The following NR2C2 variants were observed in gnomAD, a reference collection of about 807,000 sequenced individuals.
NR2C2 encodes the protein nuclear receptor subfamily 2 group C member 2, also known as Nuclear hormone receptor TR4.
Under a neutral mutation model 62.9 loss-of-function variants are expected in NR2C2, and 6 were observed. The ratio of observed to expected loss-of-function variants is 0.10; its 90% CI spans 0.05 to 0.19. The LOEUF is 0.19. Ranked by LOEUF, NR2C2 falls within the 10% of genes least tolerant of loss-of-function variation. The pLI is 1.00. For missense variants in NR2C2, 479 were observed against 762.7 expected (o/e 0.63, Z 4.38); for synonymous variants, 272 against 273.8 (o/e 0.99, Z 0.07).
At chr3:14,948,902 C>G (rs1329055945) in intron 1 of NR2C2, among the ~76,000 whole-genome samples, 2 of 152,120 alleles carry the variant, frequency 1.3e-5, no homozygotes, top group Non-Finnish European at 2.9e-5. Flanking sequence ...GGCCGGACCT[C>G]CCTTCTGAGC....
rs1378027662 is a variant in NR2C2, at chr3:15,045,652, C to G, written c.*2644C>G. 6.5e-6 allele frequency: 1 copy of G among 152,678 alleles called. No homozygotes were observed. The highest frequency in any genetic ancestry group is 2.4e-5 in the African/African-American group (1 of 41,454). The allele number at this position is 152,678 out of a possible 1,614,324, so 9.5% of individuals were successfully genotyped here. On this transcript the variant is annotated 3_prime_UTR_variant, in exon 14 of 14. Transcript: ENST00000425241. ...ACTGCAGGTCCATTTCATCTCCTGTCAGGTTGGTTAAGTAAAGTCAGCCCA... is the reference window on the plus strand; with the variant it reads ...ACTGCAGGTCCATTTCATCTCCTGTGAGGTTGGTTAAGTAAAGTCAGCCCA...
chr3:14,984,128 T>C (rs1433667034), intron 1 of NR2C2, among the ~76,000 whole-genome samples: 1 of 152,184 alleles, frequency 6.6e-6, no homozygotes, highest in Non-Finnish European at 1.5e-5. Context: ...CCTCAGGTGA[T>C]CCACCTGCCT....
At chr3:14,977,821 T>C (rs1198230207) in intron 1 of NR2C2, among the ~76,000 whole-genome samples, 2 of 151,842 alleles carry the variant, frequency 1.3e-5, no homozygotes, top group South Asian at 4.2e-4. Context: ...AAATATTAGC[T>C]GGGCATGGTG....
intron 1 of NR2C2, among the ~76,000 whole-genome samples, chr3:14,995,358 A>T (rs1559552498): frequency 6.9e-6 from 1 of 145,604 alleles, no homozygotes; most frequent in Non-Finnish European, 1.5e-5. Context: ...CTTAGCTCTC[A>T]CCCCCCAGCC....
intron 1 of NR2C2, among the ~76,000 whole-genome samples, chr3:14,949,605 CACTTT>C (rs1307050505): frequency 6.6e-6 from 1 of 152,208 alleles, no homozygotes; most frequent in African/African-American, 2.4e-5. Context: ...CTCAGAAACT[CACTTT>C]ACTTCCAGAT....
chr3:14,985,469 ATC>A (rs1211256864), intron 1 of NR2C2, among the ~76,000 whole-genome samples: 2 of 152,094 alleles, frequency 1.3e-5, no homozygotes, highest in Non-Finnish European at 2.9e-5. Context: ...AGAGGATCTG[ATC>A]TTTATGATAC....
chr3:14,970,911 T>G (rs1386530684), intron 1 of NR2C2, among the ~76,000 whole-genome samples: 1 of 152,246 alleles, frequency 6.6e-6, no homozygotes, highest in Non-Finnish European at 1.5e-5. Context: ...CATATGCATT[T>G]GGTAGAAGCC....
At chr3:15,015,592 T>C (rs2041485998) in intron 3 of NR2C2, among the ~76,000 whole-genome samples, 1 of 152,184 alleles carries the variant, frequency 6.6e-6, no homozygotes, top group African/African-American at 2.4e-5. Flanking sequence ...TTTGGGTGGT[T>C]GTAGTAGCCA....
In NR2C2 at chr3:15,042,819, C is replaced by G. The variant is rs781479344; in HGVS notation, c.1617-15C>G. 3 of 1,610,270 alleles carry G rather than the reference C, an allele frequency of 1.9e-6. No individual in the cohort carries two copies. The highest frequency in any genetic ancestry group is 2.7e-5 in the African/African-American group (2 of 74,938). ...ATCAAACAGTCTCCTTTTCTAATGA[C>G]ACTCCCTTTTATAGATTGGCCCGGA... On this transcript the variant is annotated splice_polypyrimidine_tract_variant and intron_variant, in intron 13 of 13. Transcript: ENST00000425241.
chr3:14,997,850 T>G (rs1206179400), intron 1 of NR2C2, among the ~76,000 whole-genome samples: 2 of 152,180 alleles, frequency 1.3e-5, no homozygotes, highest in African/African-American at 2.4e-5. Context: ...TGGGTTTTAG[T>G]ACATTCACAA....
chr3:15,041,918 T>C (rs540706974), intron 13 of NR2C2, among the ~76,000 whole-genome samples: 42 of 152,230 alleles, frequency 2.8e-4, no homozygotes, highest in Non-Finnish European at 5.3e-4. Context: ...GCGTATTCAC[T>C]TCCAGAAATT....
chr3:14,955,952 C>T (rs2039513097), intron 1 of NR2C2, among the ~76,000 whole-genome samples: 1 of 152,186 alleles, frequency 6.6e-6, no homozygotes, highest in Non-Finnish European at 1.5e-5. Context: ...CTCACCCAGC[C>T]TTGCTACTTC....
intron 1 of NR2C2, among the ~76,000 whole-genome samples, chr3:14,973,750 T>G (rs1185558900): frequency 6.6e-6 from 1 of 152,218 alleles, no homozygotes; most frequent in African/African-American, 2.4e-5. Context: ...TTCACAGATT[T>G]ATTTCTGGCT....
chr3:15,018,372 T>C lies in NR2C2; in HGVS notation c.376+2118T>C, dbSNP rs114004469. 2.8e-3 allele frequency among the ~76,000 whole-genome samples: 429 copies of C among 152,290 alleles called. 1 individual carries two copies. Among genetic ancestry groups the C allele is most frequent in the African/African-American group, 9.9e-3 (412 of 41,556 alleles). ...AACTGTACACCTGACAAAGGGTTAC[T>C]ACCCAGAACATATAGCGAACTTAAA... On this transcript the variant is annotated intron_variant, in intron 4 of 13. Coordinates refer to ENST00000425241, the MANE Select transcript of NR2C2 (RefSeq NM_001291694.2).
chr3:14,983,174 C>T (rs551757899), intron 1 of NR2C2, among the ~76,000 whole-genome samples: 51 of 152,160 alleles, frequency 3.4e-4, no homozygotes, highest in Admixed American at 2.3e-3. Context: ...ACTGTAATTA[C>T]GCTGTAGTGC....
At chr3:15,030,242 CACA>C (rs1217853203) in intron 8 of NR2C2, 30 bp from the exon 9 acceptor site, 2 of 1,577,990 alleles carry the variant, frequency 1.3e-6, no homozygotes, top group African/African-American at 1.4e-5. Context: ...GCTGTAGATT[CACA>C]ACAATTACAT....
intron 10 of NR2C2, 21 bp from the exon 11 acceptor site, chr3:15,034,649 G>A (rs770167578): frequency 1.2e-6 from 2 of 1,611,836 alleles, no homozygotes; most frequent in Admixed American, 1.7e-5. Context: ...ACCACACTCA[G>A]ACTCCTTTCT....
chr3:14,969,086 T>C (rs1200414791), intron 1 of NR2C2, among the ~76,000 whole-genome samples: 1 of 150,644 alleles, frequency 6.6e-6, no homozygotes, highest in African/African-American at 2.5e-5. Context: ...TGTATACATA[T>C]GTAACTAACC....
intron 6 of NR2C2, 106 bp downstream of exon 6, chr3:15,023,453 C>T: frequency 7.6e-7 from 1 of 1,312,372 alleles, no homozygotes; most frequent in South Asian, 1.3e-5. Flanking sequence ...CTGCCATAGC[C>T]TCCAGCGTTG....
Sources: allele counts gnomAD v4.1 joint callset (sites outside exome capture counted in the v4.1 genomes callset), GRCh38; gene constraint gnomAD v4.1.1; transcripts MANE v1.5; gene names NCBI Gene and HGNC (gene_info 2026-07-23, HGNC 2026-07-21).